Variants in MECR observed in about 807,000 individuals in gnomAD.
The protein encoded by MECR is mitochondrial trans-2-enoyl-CoA reductase.
A neutral mutation model predicts 49.1 loss-of-function variants in MECR; 37 were observed. That is an observed-to-expected ratio of 0.75 (90% CI 0.58 to 0.99). The LOEUF (loss-of-function observed/expected upper bound fraction) is 0.99, where lower values mean the gene tolerates loss of function less well. Among genes scored for constraint, MECR ranks in the 50% least tolerant of loss-of-function variants. MECR has a pLI of 0.00. For synonymous variants in MECR, 198 were observed against 191.1 expected (o/e 1.04, Z -0.30); for missense variants, 470 against 479.6 (o/e 0.98, Z 0.19).
intron 6 of MECR, among the ~76,000 whole-genome samples, chr1:29,200,905 C>T (rs774937573): frequency 4.6e-5 from 7 of 152,120 alleles, no homozygotes; most frequent in Admixed American, 1.3e-4. Context: ...CCTCCCACCT[C>T]AGCCTCCCAA....
At chr1:29,222,554 T>C (rs1300294512) in intron 1 of MECR, among the ~76,000 whole-genome samples, 1 of 152,172 alleles carries the variant, frequency 6.6e-6, no homozygotes, top group East Asian at 1.9e-4. Flanking sequence ...AGATTTAATG[T>C]GGGCTGGGAA....
At chr1:29,184,459 A>G in the MECR span, among the ~76,000 whole-genome samples, 2 of 152,164 alleles carry the variant, frequency 1.3e-5, no homozygotes, top group Non-Finnish European at 2.9e-5. Flanking sequence ...CTATTTTGAA[A>G]GTAATAATTA....
In MECR at chr1:29,200,485, C is replaced by T. The variant is rs367854119; in HGVS notation, c.830+31G>A. ...CAGCTAAAGACCTGGAGAGCTCTGG[C>T]GAGCTGGACCTGCAGGCCCAAGGGA... On this transcript the variant is annotated intron_variant, in intron 7 of 9. Coordinates refer to ENST00000263702, the MANE Select transcript of MECR (RefSeq NM_016011.5). The T allele has an allele frequency of 3.7e-5, 59 of 1,599,584 alleles. No individual in the cohort carries two copies. In the African/African-American group the frequency reaches 4.3e-4, roughly 12 times the overall value.
intron 1 of MECR, among the ~76,000 whole-genome samples, chr1:29,229,945 G>A (rs1302415483): frequency 1.3e-5 from 2 of 152,168 alleles, no homozygotes; most frequent in African/African-American, 4.8e-5. Context: ...TTTAGGAGGA[G>A]GACAAAGTCA....
At chr1:29,179,347 CA>C in the MECR span, among the ~76,000 whole-genome samples, 2 of 151,890 alleles carry the variant, frequency 1.3e-5, no homozygotes, top group Non-Finnish European at 2.9e-5. Flanking sequence ...CATCAAAAAG[CA>C]AAAAAAGTCA....
At chr1:29,226,991 C>G (rs1268339723) in intron 1 of MECR, among the ~76,000 whole-genome samples, 1 of 135,740 alleles carries the variant, frequency 7.4e-6, no homozygotes, top group Non-Finnish European at 1.6e-5. Context: ...CACAGCCTCA[C>G]TCTGTCGCTG....
the MECR span, among the ~76,000 whole-genome samples, chr1:29,186,197 C>T: frequency 6.6e-6 from 1 of 152,240 alleles, no homozygotes; most frequent in Non-Finnish European, 1.5e-5. Flanking sequence ...TGCATTCAGT[C>T]TGTCCTTCTG....
chr1:29,178,353 C>CTTCTTTTTTTTTTTTTT, the MECR span, among the ~76,000 whole-genome samples: 368 of 127,842 alleles, frequency 2.9e-3, 16 homozygotes, highest in East Asian at 0.017. Context: ...GTTTCAATTA[C>CTTCTTTTTTTTTTTTTT]TTTTTTTTTT....
intron 1 of MECR, among the ~76,000 whole-genome samples, chr1:29,220,023 A>C (rs1680375456): frequency 6.6e-6 from 1 of 152,096 alleles, no homozygotes; most frequent in Admixed American, 6.6e-5. Flanking sequence ...AGGGCAGAGA[A>C]GTTTTAGTCT....
chr1:29,171,995 C>T, the MECR span: 1 of 152,132 alleles, frequency 6.6e-6, no homozygotes. Context: ...GCAATTTACG[C>T]TGTTAACATT....
At chr1:29,217,202 A>ACCCACAGT (rs1679668381) in intron 1 of MECR, among the ~76,000 whole-genome samples, 1 of 145,886 alleles carries the variant, frequency 6.9e-6, no homozygotes, top group Non-Finnish European at 1.5e-5. Flanking sequence ...CAAGTGGAAA[A>ACCCACAGT]CCCACAGTGT....
chr1:29,169,850 C>T, the MECR span: 3 of 152,192 alleles, frequency 2.0e-5, no homozygotes, highest in Non-Finnish European at 2.9e-5. Flanking sequence ...AAACTAAATC[C>T]TCCCAGAATG....
chr1:29,214,866 T>C (rs1678977928), intron 3 of MECR, among the ~76,000 whole-genome samples: 1 of 152,210 alleles, frequency 6.6e-6, no homozygotes, highest in Non-Finnish European at 1.5e-5. Flanking sequence ...TTCCCTCTTG[T>C]AGCTGCTGTG....
intron 1 of MECR, chr1:29,223,817 C>T (rs370118501): frequency 1.3e-5 from 2 of 152,080 alleles, no homozygotes; most frequent in African/African-American, 2.4e-5. Context: ...TTCCTCAGCT[C>T]GCAGCTTGTA....
At chr1:29,207,996 TG>T (rs1350648824) in intron 3 of MECR, among the ~76,000 whole-genome samples, 5 of 151,766 alleles carry the variant, frequency 3.3e-5, no homozygotes, top group East Asian at 1.9e-4. Context: ...TTGACTCACA[TG>T]TTTTTTTTTT....
the MECR span, among the ~76,000 whole-genome samples, chr1:29,185,809 C>T: frequency 6.6e-6 from 1 of 152,126 alleles, no homozygotes; most frequent in South Asian, 2.1e-4. Flanking sequence ...AAAAACCCGT[C>T]TCTGCAGAAA....
intron 3 of MECR, among the ~76,000 whole-genome samples, chr1:29,214,549 A>T (rs1558473953): frequency 6.6e-6 from 1 of 151,492 alleles, no homozygotes; most frequent in Non-Finnish European, 1.5e-5. Flanking sequence ...TTTATTAGAG[A>T]CAGGGTTTCA....
chr1:29,211,088 G>GTTTTTTTT (rs112758931), intron 3 of MECR, among the ~76,000 whole-genome samples: 2 of 144,124 alleles, frequency 1.4e-5, no homozygotes, highest in African/African-American at 2.6e-5. Context: ...TAAATAAAGG[G>GTTTTTTTT]TTTTTTTTTT....
At chr1:29,225,086 C>T (rs552494918) in intron 1 of MECR, among the ~76,000 whole-genome samples, 38 of 152,304 alleles carry the variant, frequency 2.5e-4, no homozygotes, top group Non-Finnish European at 5.0e-4. Flanking sequence ...AGGGCTTGGC[C>T]CTAAACTCCA....
Sources: allele counts gnomAD v4.1 joint callset (sites outside exome capture counted in the v4.1 genomes callset), GRCh38; gene constraint gnomAD v4.1.1; transcripts MANE v1.5; gene names NCBI Gene and HGNC (gene_info 2026-07-23, HGNC 2026-07-21).